Variants in KPNA5 observed in about 807,000 individuals in gnomAD.
KPNA5 encodes importin subunit alpha-6.
Under a neutral mutation model 71.3 loss-of-function variants are expected in KPNA5, and 46 were observed. The ratio of observed to expected loss-of-function variants is 0.65; its 90% confidence interval spans 0.51 to 0.83. The LOEUF (loss-of-function observed/expected upper bound fraction) is 0.83. KPNA5 is among the 40% of genes least tolerant of loss of function. The probability of loss-of-function intolerance (pLI) is 0.00; values close to 1 mark genes in which losing one functional copy is unlikely to be tolerated. For synonymous variants in KPNA5, 207 were observed against 201.4 expected (o/e 1.03, Z -0.24); for missense variants, 547 against 628.3 (o/e 0.87, Z 1.38).
chr6:116,714,209 CTTG>C (rs1778806138), intron 7 of KPNA5, among the ~76,000 whole-genome samples: 1 of 152,094 alleles, frequency 6.6e-6, no homozygotes. Flanking sequence ...CATGTTGCTG[CTTG>C]TTGTAGTTAT....
chr6:116,727,745 A>G (rs968250684), intron 12 of KPNA5, among the ~76,000 whole-genome samples: 1 of 152,094 alleles, frequency 6.6e-6, no homozygotes, highest in Non-Finnish European at 1.5e-5. Context: ...ATTATTTGTA[A>G]TCATCATAAT....
intron 7 of KPNA5, among the ~76,000 whole-genome samples, chr6:116,710,185 T>C (rs1233686206): frequency 6.6e-6 from 1 of 152,228 alleles, no homozygotes; most frequent in Non-Finnish European, 1.5e-5. Flanking sequence ...TATTTGTATC[T>C]TGAAGCTTCC....
chr6:116,706,009 A>G (rs1289470246), intron 7 of KPNA5, among the ~76,000 whole-genome samples: 1 of 152,232 alleles, frequency 6.6e-6, no homozygotes, highest in East Asian at 1.9e-4. Flanking sequence ...CTATAATTTC[A>G]TTTATTATGG....
In KPNA5 at chr6:116,708,495, G is replaced by A. The variant is rs142250149; in HGVS notation, c.656+3335G>A. On this transcript the variant is annotated intron_variant, in intron 7 of 13. Transcript: ENST00000368564. ...TAAAAAAGTCATTGTCATTTTGATA[G>A]GGGTTTCATTTACTCTGTAGATCAC... is the stretch of plus-strand genomic sequence containing the variant. Among the ~76,000 whole-genome samples, 52 of 152,188 alleles carry A rather than the reference G, an allele frequency of 3.4e-4. No homozygotes were observed. In the South Asian group the frequency reaches 3.5e-3, roughly 10 times the overall value.
At chr6:116,718,643 T>C (rs1026540697) in intron 8 of KPNA5, among the ~76,000 whole-genome samples, 3 of 152,218 alleles carry the variant, frequency 2.0e-5, no homozygotes, top group Non-Finnish European at 2.9e-5. Flanking sequence ...TGTTTACTTA[T>C]GTGTTCCAAA....
rs146906266 is a variant in KPNA5, at chr6:116,726,522, G to A, written c.1153G>A (p.Val385Ile). 3.1e-6 allele frequency: 5 copies of A among 1,611,800 alleles called. No individual in the cohort carries two copies. The Admixed American group carries it at 5.0e-5, about 16-fold the overall frequency. Reference sequence around the variant, plus strand: ...TGTTATAGATGCAAATATTTTTCCTGTTTTGATTGAGATTCTTCAGAAAGC... The same window carrying A: ...TGTTATAGATGCAAATATTTTTCCTATTTTGATTGAGATTCTTCAGAAAGC... ...QAVIDANIFP[V>I]LIEILQKAEF... The change falls in exon 12 of 14, where the codon GTT becomes ATT. Residue 385 changes from valine to isoleucine, a missense_variant. Val to Ile is a conservative substitution (Grantham distance 29). Transcript: ENST00000368564.
At chr6:116,700,124 GA>G (rs1424247858) in intron 5 of KPNA5, among the ~76,000 whole-genome samples, 1 of 152,122 alleles carries the variant, frequency 6.6e-6, no homozygotes, top group East Asian at 1.9e-4. Context: ...TTGGCAGACT[GA>G]AAAGAGGAAA....
At chr6:116,713,266 G>A (rs1778770505) in intron 7 of KPNA5, among the ~76,000 whole-genome samples, 1 of 152,104 alleles carries the variant, frequency 6.6e-6, no homozygotes, top group South Asian at 2.1e-4. Context: ...ATCTGCTAGT[G>A]ATGCCTTTCC....
Position 116,681,213 on chromosome 6 carries a change from C to T in KPNA5, c.-122C>T, listed in dbSNP as rs1222532930. ...GAGAAGGGGCGCAGGTGGCCGCCAT[C>T]TTGGATTGCGAACTGGGTCGCTACG... On this transcript the variant is annotated 5_prime_UTR_variant, in exon 1 of 14. Transcript: ENST00000368564. The T allele has an allele frequency of 7.2e-7, 1 of 1,393,314 alleles. No individual in the cohort carries two copies. Among genetic ancestry groups the T allele is most frequent in the Non-Finnish European group, 1.0e-6 (1 of 993,848 alleles). 86.3% of individuals were successfully genotyped at this position (1,393,314 alleles called of 1,614,324 possible). A position where few individuals can be genotyped will look rare whatever the true frequency, so the allele number is the denominator to read the frequency against.
intron 6 of KPNA5, among the ~76,000 whole-genome samples, chr6:116,704,389 C>A (rs1033497893): frequency 1.3e-5 from 2 of 152,120 alleles, no homozygotes; most frequent in Non-Finnish European, 2.9e-5. Flanking sequence ...TCTACACATG[C>A]AAAAGGTACA....
intron 7 of KPNA5, among the ~76,000 whole-genome samples, chr6:116,712,903 TA>T (rs1778755762): frequency 6.6e-6 from 1 of 152,238 alleles, no homozygotes; most frequent in Non-Finnish European, 1.5e-5. Context: ...TTTAAACTTG[TA>T]ACCACCTTGA....
At chr6:116,691,790 T>C (rs900817068) in intron 2 of KPNA5, among the ~76,000 whole-genome samples, 4 of 152,230 alleles carry the variant, frequency 2.6e-5, no homozygotes, top group Non-Finnish European at 5.9e-5. Context: ...TGTATTCCAC[T>C]TACACGCTTA....
chr6:116,726,774 C>A, intron 12 of KPNA5, 152 bp downstream of exon 12: 1 of 713,834 alleles, frequency 1.4e-6, no homozygotes. Flanking sequence ...GTTACTCATT[C>A]ACAATTTTTT....
At chr6:116,700,992 G>A (rs531050977) in intron 5 of KPNA5, among the ~76,000 whole-genome samples, 4 of 152,282 alleles carry the variant, frequency 2.6e-5, no homozygotes, top group African/African-American at 9.6e-5. Context: ...TTCTTCTAGG[G>A]ATACTAGTGA....
intron 2 of KPNA5, among the ~76,000 whole-genome samples, chr6:116,690,438 A>C (rs1777752695): frequency 6.6e-6 from 1 of 151,962 alleles, no homozygotes; most frequent in Non-Finnish European, 1.5e-5. Context: ...GCGGATCACG[A>C]GGTCAGGAGA....
chr6:116,707,650 A>G (rs1205468805), intron 7 of KPNA5, among the ~76,000 whole-genome samples: 1 of 152,250 alleles, frequency 6.6e-6, no homozygotes, highest in Non-Finnish European at 1.5e-5. Context: ...AAAAATTGTC[A>G]ACTCTTAGCA....
rs1473014369 is a variant in KPNA5 at position 116,739,968 on chromosome 6, A to C, written c.*7645A>C. The C allele has an allele frequency of 1.3e-5, 2 of 152,156 alleles. No individual in the cohort carries two copies. The highest frequency in any genetic ancestry group is 2.4e-5 in the African/African-American group (1 of 41,378). 9.4% of individuals were successfully genotyped at this position (152,156 alleles called of 1,614,324 possible). On this transcript the variant is annotated 3_prime_UTR_variant, in exon 14 of 14. Coordinates refer to ENST00000368564, the MANE Select transcript of KPNA5 (RefSeq NM_001366306.2). ...ACTTCATGTCTAAAACACCAAAAGC[A>C]ATGGCAACAAAAGCCAAAATTGACA...
In KPNA5 at chr6:116,689,301, C is replaced by A; in HGVS notation, c.5-19C>A. 1 of 1,594,626 alleles carries A rather than the reference C, an allele frequency of 6.3e-7. No individual in the cohort carries two copies. Among genetic ancestry groups the A allele is most frequent in the Non-Finnish European group, 8.5e-7 (1 of 1,174,728 alleles). On this transcript the variant is annotated intron_variant, in intron 1 of 13. Coordinates refer to ENST00000368564, the MANE Select transcript of KPNA5 (RefSeq NM_001366306.2). ...AGAGTGAGTTATCAGTGTCTGTTTT[C>A]TTTTCTCCTTCCTTTAAGATGCCAT...
chr6:116,724,428 T>C (rs1447976464), intron 10 of KPNA5, 53 bp downstream of exon 10: 1 of 1,236,534 alleles, frequency 8.1e-7, no homozygotes, highest in African/African-American at 1.5e-5. Context: ...CTTTAAAAAA[T>C]TTATGTTTCA....
Sources: gnomAD v4.1 joint callset for allele counts (sites outside exome capture counted in the v4.1 genomes callset) on GRCh38, gnomAD v4.1.1 for gene constraint, MANE v1.5 for transcripts, NCBI Gene and HGNC (gene_info 2026-07-23, HGNC 2026-07-21) for gene names.